RGS6: variants seen among roughly 807,000 people sequenced by gnomAD.
RGS6 encodes regulator of G-protein signaling 6.
Under a neutral mutation model 78.5 loss-of-function variants are expected in RGS6, and 30 were observed. The observed-to-expected ratio is 0.38, with a 90% CI of 0.29 to 0.52. RGS6 has a LOEUF of 0.52. Among genes scored for constraint, RGS6 ranks in the 20% least tolerant of loss-of-function variants. The probability of loss-of-function intolerance (pLI) is 0.85; values close to 1 mark genes in which losing one functional copy is unlikely to be tolerated. For missense variants in RGS6, 495 were observed against 609.7 expected (o/e 0.81, Z 1.98); for synonymous variants, 206 against 206.0 (o/e 1.00, Z 0.00).
chr14:72,043,789 T>C (rs2092623808), intron 2 of RGS6, among the ~76,000 whole-genome samples: 1 of 152,234 alleles, frequency 6.6e-6, no homozygotes, highest in Non-Finnish European at 1.5e-5. Context: ...TTTGGAAAGT[T>C]CTTGGTCATT....
chr14:72,097,853 G>T (rs906241036), intron 2 of RGS6, among the ~76,000 whole-genome samples: 3 of 152,106 alleles, frequency 2.0e-5, no homozygotes, highest in African/African-American at 7.2e-5. Context: ...CTCCTTAGTG[G>T]CAGGGACCAG....
chr14:72,285,700 G>A (rs1015208636), intron 2 of RGS6, among the ~76,000 whole-genome samples: 1 of 152,214 alleles, frequency 6.6e-6, no homozygotes, highest in Admixed American at 6.5e-5. Context: ...TTTGATAATA[G>A]TCATCCTAAC....
At chr14:72,096,394 T>C (rs976263735) in intron 2 of RGS6, among the ~76,000 whole-genome samples, 5 of 152,194 alleles carry the variant, frequency 3.3e-5, no homozygotes, top group African/African-American at 7.2e-5. Context: ...TAGGTGATCA[T>C]GGGGAACAGG....
intron 2 of RGS6, among the ~76,000 whole-genome samples, chr14:72,147,994 G>A (rs1022523288): frequency 6.6e-6 from 1 of 152,074 alleles, no homozygotes; most frequent in Non-Finnish European, 1.5e-5. Context: ...AGCTGGGCAT[G>A]GTGGCAGGCG....
chr14:72,195,268 G>T (rs143287353), intron 2 of RGS6, among the ~76,000 whole-genome samples: 57 of 152,126 alleles, frequency 3.7e-4, no homozygotes, highest in Non-Finnish European at 7.4e-4. Flanking sequence ...GGTTAGGGTG[G>T]GGTAAACAAG....
chr14:72,480,050 T>A (rs1031081213), intron 12 of RGS6, among the ~76,000 whole-genome samples: 3 of 152,016 alleles, frequency 2.0e-5, no homozygotes, highest in Non-Finnish European at 2.9e-5. Context: ...GTAATCCAGG[T>A]GAGGGAGGGG....
chr14:72,373,841 TAA>T (rs1399869419), intron 3 of RGS6, among the ~76,000 whole-genome samples: 1 of 151,996 alleles, frequency 6.6e-6, no homozygotes, highest in Non-Finnish European at 1.5e-5. Context: ...CCCCACTCAG[TAA>T]AGATTTAATG....
chr14:72,075,502 G>A (rs914409570), intron 2 of RGS6, among the ~76,000 whole-genome samples: 4 of 151,978 alleles, frequency 2.6e-5, no homozygotes, highest in African/African-American at 9.7e-5. Flanking sequence ...AATCTAGTCT[G>A]TCTTTTCTTT....
At chr14:72,467,549 A>C (rs1196309694) in intron 7 of RGS6, among the ~76,000 whole-genome samples, 4 of 152,114 alleles carry the variant, frequency 2.6e-5, no homozygotes, top group African/African-American at 4.8e-5. Context: ...CCAAGTGTGA[A>C]TGCGCATGCC....
chr14:72,395,444 T>C (rs2090996436), intron 3 of RGS6, among the ~76,000 whole-genome samples: 1 of 152,124 alleles, frequency 6.6e-6, no homozygotes, highest in Admixed American at 6.6e-5. Flanking sequence ...CATATTCAGA[T>C]CCACTGTACT....
intron 2 of RGS6, among the ~76,000 whole-genome samples, chr14:72,046,133 A>G (rs905383330): frequency 6.6e-6 from 1 of 151,388 alleles, no homozygotes. Context: ...TCTCCCTAGG[A>G]GCGTCTCCCC....
At chr14:72,511,100 G>A (rs940979812) in intron 14 of RGS6, among the ~76,000 whole-genome samples, 2 of 152,206 alleles carry the variant, frequency 1.3e-5, no homozygotes, top group African/African-American at 4.8e-5. Flanking sequence ...TGCAGAAAAT[G>A]TGACTTATCT....
At chr14:72,212,698 A>G (rs1426856958) in intron 2 of RGS6, among the ~76,000 whole-genome samples, 1 of 152,216 alleles carries the variant, frequency 6.6e-6, no homozygotes, top group South Asian at 2.1e-4. Context: ...GGAAATCCCC[A>G]AATCAGTAAA....
intron 2 of RGS6, among the ~76,000 whole-genome samples, chr14:72,026,897 A>AG (rs1182304789): frequency 1.3e-5 from 2 of 152,028 alleles, no homozygotes; most frequent in Admixed American, 6.6e-5. Context: ...GGCAGGTGCT[A>AG]GGGGGGGCTA....
the RGS6 span, among the ~76,000 whole-genome samples, chr14:71,891,325 C>A: frequency 6.6e-6 from 1 of 152,286 alleles, no homozygotes; most frequent in East Asian, 1.9e-4. Context: ...GAGCTACGGT[C>A]ATCTGAAGGT....
intron 3 of RGS6, among the ~76,000 whole-genome samples, chr14:72,449,895 C>T (rs78500901): frequency 0.052 from 7,964 of 152,234 alleles, 382 homozygotes; most frequent in South Asian, 0.15. Context: ...AGGAAATGGC[C>T]AGGGCTTGAG....
Position 71,944,455 on chromosome 14 carries a change from A to G in RGS6, c.-21+11514A>G, listed in dbSNP as rs531970540. ...ATATAGCACAAGGTGGGGAATAAAC[A>G]GAGACCCTACCCTTGAGATCATTTC... On this transcript the variant is annotated intron_variant, in intron 1 of 17. Transcript: ENST00000553525. Among the ~76,000 whole-genome samples, 8 of 152,324 alleles carry G rather than the reference A, an allele frequency of 5.3e-5. No homozygotes were observed. The South Asian group carries it at 1.7e-3, about 32-fold the overall frequency.
intron 2 of RGS6, among the ~76,000 whole-genome samples, chr14:72,072,227 TCTC>T (rs935226474): frequency 3.9e-5 from 6 of 152,100 alleles, no homozygotes; most frequent in Admixed American, 3.9e-4. Flanking sequence ...CAATGGACCT[TCTC>T]CTTCTCTAAT....
intron 2 of RGS6, among the ~76,000 whole-genome samples, chr14:72,328,534 G>A (rs1222106169): frequency 6.6e-6 from 1 of 152,174 alleles, no homozygotes; most frequent in Non-Finnish European, 1.5e-5. Flanking sequence ...TTTAGGAGAA[G>A]AAACTGAAGT....
Sources: gnomAD v4.1 joint callset for allele counts (sites outside exome capture counted in the v4.1 genomes callset) on GRCh38, gnomAD v4.1.1 for gene constraint, MANE v1.5 for transcripts, NCBI Gene and HGNC (gene_info 2026-07-23, HGNC 2026-07-21) for gene names.